Variants in RUNDC3B observed in about 807,000 individuals in gnomAD.
RUNDC3B encodes the protein RUN domain-containing protein 3B.
In RUNDC3B, 33 loss-of-function variants were observed where a neutral mutation model predicts 58.4. The observed-to-expected ratio is 0.56, with a 90% CI of 0.43 to 0.75. The LOEUF is 0.75. Ranked by LOEUF, RUNDC3B falls within the 30% of genes least tolerant of loss-of-function variation. RUNDC3B has a pLI of 0.00. For synonymous variants in RUNDC3B, 193 were observed against 195.2 expected (o/e 0.99, Z 0.10); for missense variants, 501 against 535.7 (o/e 0.94, Z 0.64).
At chr7:87,641,114 TATTAA>T (rs1373197511) in intron 1 of RUNDC3B, among the ~76,000 whole-genome samples, 1 of 152,216 alleles carries the variant, frequency 6.6e-6, no homozygotes, top group Admixed American at 6.5e-5. Flanking sequence ...ACACAATGTT[TATTAA>T]GTTATTTCTT....
intron 10 of RUNDC3B, among the ~76,000 whole-genome samples, chr7:87,820,020 T>C (rs202117100): frequency 6.6e-6 from 1 of 151,634 alleles, no homozygotes; most frequent in Non-Finnish European, 1.5e-5. Flanking sequence ...TAGCAGAAGG[T>C]AAGAAATAAC....
intron 6 of RUNDC3B, among the ~76,000 whole-genome samples, chr7:87,753,948 A>G (rs930147694): frequency 6.6e-6 from 1 of 152,220 alleles, no homozygotes; most frequent in African/African-American, 2.4e-5. Context: ...AGTTATATGT[A>G]TATAAAGGCA....
chr7:87,650,786 C>G, intron 1 of RUNDC3B, 36 bp from the exon 2 acceptor site: 1 of 1,306,896 alleles, frequency 7.7e-7, no homozygotes, highest in Non-Finnish European at 1.1e-6. Flanking sequence ...AATGAATCAA[C>G]TCTGCCTAAA....
chr7:87,680,097 A>T (rs538950267), intron 2 of RUNDC3B, among the ~76,000 whole-genome samples: 1 of 150,214 alleles, frequency 6.7e-6, no homozygotes, highest in Non-Finnish European at 1.5e-5. Context: ...TCGTTGTTCA[A>T]CTTCCACTTA....
At position 87,816,217 on chromosome 7, in the gene RUNDC3B, CAAG is replaced by C. The variant is rs771217887; in HGVS notation, c.1184_1186del (p.Glu395del). 1.2e-6 allele frequency: 2 copies of C among 1,611,328 alleles called. No homozygotes were observed. Among genetic ancestry groups the C allele is most frequent in the South Asian group, 2.2e-5 (2 of 90,898 alleles). ...GACTTCACTAGATCCAGGCCAGTCA[CAAG>C]AAGGAGATGGAAAACAAGACACATT... is the stretch of plus-strand genomic sequence containing the variant. On this transcript the variant is annotated inframe_deletion, in exon 10 of 11. Coordinates refer to ENST00000394654, the MANE Select transcript of RUNDC3B (RefSeq NM_001134405.2).
intron 9 of RUNDC3B, among the ~76,000 whole-genome samples, chr7:87,808,155 T>C (rs1836535591): frequency 6.6e-6 from 1 of 152,086 alleles, no homozygotes; most frequent in Non-Finnish European, 1.5e-5. Context: ...TTTTCACTAT[T>C]TTTATTTTTC....
At chr7:87,797,923 G>A (rs1835901390) in intron 8 of RUNDC3B, among the ~76,000 whole-genome samples, 1 of 152,182 alleles carries the variant, frequency 6.6e-6, no homozygotes, top group African/African-American at 2.4e-5. Flanking sequence ...TTGATTCATA[G>A]GTTAATGTGT....
chr7:87,681,458 C>T (rs1356501847), intron 2 of RUNDC3B, among the ~76,000 whole-genome samples: 1 of 150,668 alleles, frequency 6.6e-6, no homozygotes, highest in Non-Finnish European at 1.5e-5. Flanking sequence ...AAGCAAGTCA[C>T]AAAAAATTTT....
At chr7:87,750,315 T>G (rs1414136180) in intron 6 of RUNDC3B, among the ~76,000 whole-genome samples, 8 of 151,844 alleles carry the variant, frequency 5.3e-5, no homozygotes, top group African/African-American at 1.9e-4. Flanking sequence ...TCTTTGCTAT[T>G]GTGAATAATG....
At chr7:87,714,774 C>A (rs527498575) in intron 4 of RUNDC3B, among the ~76,000 whole-genome samples, 1 of 151,974 alleles carries the variant, frequency 6.6e-6, no homozygotes, top group Non-Finnish European at 1.5e-5. Flanking sequence ...GGCACCCCCC[C>A]GCCCCATGCA....
intron 10 of RUNDC3B, among the ~76,000 whole-genome samples, chr7:87,822,658 A>T (rs1837542960): frequency 6.6e-6 from 1 of 152,188 alleles, no homozygotes; most frequent in Non-Finnish European, 1.5e-5. Context: ...ACAACAATAG[A>T]CTGGATTAAG....
chr7:87,711,757 C>G (rs1196224680), intron 4 of RUNDC3B, among the ~76,000 whole-genome samples: 26 of 152,142 alleles, frequency 1.7e-4, no homozygotes, highest in Admixed American at 9.8e-4. Flanking sequence ...CCACATGTAG[C>G]TAATGGTAAC....
In RUNDC3B at chr7:87,700,705, G is replaced by A; in HGVS notation, c.372+151G>A. ...GTTCTGTGATGTTTCTACATTTCTTGAATTATCTAAACTAGTGGCTCTCAA... is the reference window on the plus strand; with the variant it reads ...GTTCTGTGATGTTTCTACATTTCTTAAATTATCTAAACTAGTGGCTCTCAA... On this transcript the variant is annotated intron_variant, in intron 3 of 10. Transcript: ENST00000394654. 5.9e-6 allele frequency: 4 copies of A among 675,234 alleles called. 1 individual carries two copies. The South Asian group carries it at 7.4e-5, about 12-fold the overall frequency. The allele number at this position is 675,234 out of a possible 1,614,324, so 41.8% of individuals were successfully genotyped here. A position where few individuals can be genotyped will look rare whatever the true frequency, so the allele number is the denominator to read the frequency against.
At chr7:87,748,033 G>A (rs1170014787) in intron 6 of RUNDC3B, among the ~76,000 whole-genome samples, 1 of 152,210 alleles carries the variant, frequency 6.6e-6, no homozygotes, top group Non-Finnish European at 1.5e-5. Flanking sequence ...GCAGAGTTCA[G>A]CTAGAGATTT....
At chr7:87,638,182 G>T (rs1216484477) in intron 1 of RUNDC3B, among the ~76,000 whole-genome samples, 1 of 151,968 alleles carries the variant, frequency 6.6e-6, no homozygotes, top group Non-Finnish European at 1.5e-5. Flanking sequence ...GTGATGTATT[G>T]TCTTTTTGAC....
chr7:87,628,529 G>A lies in RUNDC3B; in HGVS notation c.-295G>A. ...GGAGGAGAGCGCCTGACGCCGACCC[G>A]CAGGCGCAGCCCGGCAGTCGGCGGC... On this transcript the variant is annotated 5_prime_UTR_variant, in exon 1 of 11. Transcript: ENST00000394654. 1 of 280,132 alleles carries A rather than the reference G, an allele frequency of 3.6e-6. No individual in the cohort carries two copies. The highest frequency in any genetic ancestry group is 6.6e-6 in the Non-Finnish European group (1 of 151,270). 17.4% of individuals were successfully genotyped at this position (280,132 alleles called of 1,614,324 possible).
chr7:87,744,899 CAGAG>C (rs148453158), intron 6 of RUNDC3B, among the ~76,000 whole-genome samples: 2,071 of 152,218 alleles, frequency 0.014, 48 homozygotes, highest in African/African-American at 0.047. Flanking sequence ...TTCCAGTTCT[CAGAG>C]GGAATGCTTT....
chr7:87,823,420 T>TA (rs1837609235), intron 10 of RUNDC3B, among the ~76,000 whole-genome samples: 1 of 151,932 alleles, frequency 6.6e-6, no homozygotes, highest in African/African-American at 2.4e-5. Flanking sequence ...TTATTTTTTT[T>TA]AATTTTTTTA....
chr7:87,757,701 C>T (rs148320774), intron 6 of RUNDC3B, among the ~76,000 whole-genome samples: 37 of 152,106 alleles, frequency 2.4e-4, no homozygotes, highest in African/African-American at 8.4e-4. Flanking sequence ...CCCAGAATAG[C>T]CAAAGCTATC....
Sources: gnomAD v4.1 joint callset for allele counts (sites outside exome capture counted in the v4.1 genomes callset) on GRCh38, gnomAD v4.1.1 for gene constraint, MANE v1.5 for transcripts, NCBI Gene and HGNC (gene_info 2026-07-23, HGNC 2026-07-21) for gene names.